Variants in MGLL observed in about 807,000 individuals in gnomAD.
The protein encoded by MGLL is lysophospholipase homolog.
Under a neutral mutation model 29.1 loss-of-function variants are expected in MGLL, and 7 were observed. The observed-to-expected ratio is 0.24, with a 90% confidence interval of 0.14 to 0.45. The LOEUF is 0.45. Among genes scored for constraint, MGLL ranks in the 20% least tolerant of loss-of-function variants. The pLI, the probability that MGLL is intolerant of heterozygous loss-of-function variation, is 0.99. For missense variants in MGLL, 356 were observed against 413.6 expected (o/e 0.86, Z 1.21); for synonymous variants, 148 against 168.3 (o/e 0.88, Z 0.93).
intron 3 of MGLL, among the ~76,000 whole-genome samples, chr3:127,770,434 C>T (rs2076929898): frequency 6.6e-6 from 1 of 152,124 alleles, no homozygotes. Context: ...ATGCAGTGCT[C>T]AGCCCTCTAG....
intron 2 of MGLL, among the ~76,000 whole-genome samples, chr3:127,806,737 G>C (rs2077572880): frequency 6.6e-6 from 1 of 151,982 alleles, no homozygotes; most frequent in South Asian, 2.1e-4. Context: ...GGATAAATAG[G>C]TAGATAGGGC....
intron 3 of MGLL, among the ~76,000 whole-genome samples, chr3:127,727,832 A>G (rs1394212708): frequency 6.6e-6 from 1 of 152,094 alleles, no homozygotes; most frequent in Non-Finnish European, 1.5e-5. Flanking sequence ...AATAGCATTA[A>G]CATATTTACT....
At chr3:127,746,190 AC>A (rs2076438674) in intron 3 of MGLL, among the ~76,000 whole-genome samples, 1 of 152,154 alleles carries the variant, frequency 6.6e-6, no homozygotes, top group African/African-American at 2.4e-5. Flanking sequence ...GGGAATGAGC[AC>A]GTCCTCCTGA....
chr3:127,771,981 G>A (rs117115660), intron 3 of MGLL, among the ~76,000 whole-genome samples: 1 of 152,204 alleles, frequency 6.6e-6, no homozygotes, highest in East Asian at 1.9e-4. Flanking sequence ...TGCAATGGTG[G>A]GTCTTACACC....
intron 3 of MGLL, among the ~76,000 whole-genome samples, chr3:127,765,712 G>A (rs920308451): frequency 2.0e-5 from 3 of 152,244 alleles, no homozygotes; most frequent in Non-Finnish European, 2.9e-5. Flanking sequence ...CTGAAGGGAA[G>A]CCCAGAAGGC....
Position 127,692,333 on chromosome 3 carries a change from G to C in MGLL, c.817-10C>G. The C allele has an allele frequency of 6.2e-7, 1 of 1,613,920 alleles. No homozygotes were observed. The highest frequency in any genetic ancestry group is 1.1e-5 in the South Asian group (1 of 91,084). On this transcript the variant is annotated splice_polypyrimidine_tract_variant and intron_variant, in intron 7 of 7. Transcript: ENST00000265052. ...AGGCACCTTCATAAATCTGCAATGA[G>C]GAGAGACACGGAATCAGAGCTGCAC...
chr3:127,714,526 G>A (rs894808148), intron 5 of MGLL, among the ~76,000 whole-genome samples: 6 of 152,190 alleles, frequency 3.9e-5, no homozygotes, highest in African/African-American at 7.2e-5. Flanking sequence ...CTGGTGTCCC[G>A]GCGACAATAA....
chr3:127,748,425 AGAGGG>A (rs1481955064), intron 3 of MGLL, among the ~76,000 whole-genome samples: 1 of 119,150 alleles, frequency 8.4e-6, no homozygotes, highest in Non-Finnish European at 2.0e-5. Context: ...AGAGAGAGAG[AGAGGG>A]AGAGAGAGAG....
chr3:127,697,478 A>G (rs1256085269), intron 6 of MGLL, among the ~76,000 whole-genome samples: 2 of 152,214 alleles, frequency 1.3e-5, no homozygotes, highest in East Asian at 3.8e-4. Context: ...GGAGGAAACT[A>G]AGGCACAGAG....
At chr3:127,797,856 TG>T (rs1254525993) in intron 2 of MGLL, among the ~76,000 whole-genome samples, 1 of 152,192 alleles carries the variant, frequency 6.6e-6, no homozygotes, top group Non-Finnish European at 1.5e-5. Context: ...TTCTCCCACC[TG>T]GGCTTCCCAA....
intron 3 of MGLL, among the ~76,000 whole-genome samples, chr3:127,740,723 G>A (rs2076324594): frequency 6.6e-6 from 1 of 152,192 alleles, no homozygotes; most frequent in Non-Finnish European, 1.5e-5. Flanking sequence ...GTGTGACGCT[G>A]GCCTGGAAGG....
At chr3:127,819,945 A>AGGCAG (rs1309292544) in intron 2 of MGLL, among the ~76,000 whole-genome samples, 4 of 152,142 alleles carry the variant, frequency 2.6e-5, no homozygotes, top group Non-Finnish European at 1.5e-5. Context: ...CAGGGGCTGG[A>AGGCAG]GGCAGGGCAG....
intron 3 of MGLL, among the ~76,000 whole-genome samples, chr3:127,730,446 GTT>G (rs1559929655): frequency 6.6e-6 from 1 of 152,202 alleles, no homozygotes; most frequent in African/African-American, 2.4e-5. Flanking sequence ...ATACGCACAC[GTT>G]CCTGCCCTGT....
intron 1 of MGLL, 131 bp from the exon 2 acceptor site, chr3:127,821,969 G>T (rs2077869455): frequency 4.0e-6 from 4 of 995,908 alleles, no homozygotes; most frequent in East Asian, 2.5e-5. Context: ...TGTTTCAAAG[G>T]TTTAAAACAT....
intron 3 of MGLL, among the ~76,000 whole-genome samples, chr3:127,731,305 A>G (rs2107640767): frequency 6.6e-6 from 1 of 150,462 alleles, no homozygotes; most frequent in Admixed American, 6.6e-5. Context: ...GGCGCACACC[A>G]CTATGCCTGG....
At position 127,817,336 on chromosome 3, in the gene MGLL, C is replaced by G. The variant is rs376163073; in HGVS notation, c.155+4358G>C. Reference sequence around the variant, plus strand: ...GACATCAGCGAGGGAGGGACAATCACACTTTAAGCCAGTTCCTTCAATACA... The same window carrying G: ...GACATCAGCGAGGGAGGGACAATCAGACTTTAAGCCAGTTCCTTCAATACA... On this transcript the variant is annotated intron_variant, in intron 2 of 7. Transcript: ENST00000265052. Among the ~76,000 whole-genome samples, 12 of 152,334 alleles carry G rather than the reference C, an allele frequency of 7.9e-5. No individual in the cohort carries two copies. The East Asian group carries it at 2.1e-3, about 27-fold the overall frequency.
chr3:127,733,327 C>A (rs1017660244), intron 3 of MGLL, among the ~76,000 whole-genome samples: 5 of 152,172 alleles, frequency 3.3e-5, no homozygotes, highest in Non-Finnish European at 1.5e-5. Flanking sequence ...CAAGAAATAG[C>A]CATAAAAATG....
At chr3:127,734,024 C>T (rs975039620) in intron 3 of MGLL, among the ~76,000 whole-genome samples, 1 of 152,196 alleles carries the variant, frequency 6.6e-6, no homozygotes, top group Non-Finnish European at 1.5e-5. Flanking sequence ...CCTTGCAGAG[C>T]AGGAGGCCCA....
At chr3:127,749,929 T>C (rs547533776) in intron 3 of MGLL, among the ~76,000 whole-genome samples, 1 of 152,188 alleles carries the variant, frequency 6.6e-6, no homozygotes, top group South Asian at 2.1e-4. Flanking sequence ...GGACAGCAAG[T>C]TTGAAGATTC....
Sources: gnomAD v4.1 joint callset for allele counts (sites outside exome capture counted in the v4.1 genomes callset) on GRCh38, gnomAD v4.1.1 for gene constraint, MANE v1.5 for transcripts, NCBI Gene and HGNC (gene_info 2026-07-23, HGNC 2026-07-21) for gene names.